Variants in DLG3 observed in about 807,000 individuals in gnomAD.
DLG3 encodes the protein discs large MAGUK scaffold protein 3.
DLG3 carries 1 observed loss-of-function variant against 64.1 expected under a neutral mutation model. The observed-to-expected ratio is 0.02, with a 90% CI of 0.01 to 0.07. The LOEUF is 0.07. DLG3 is among the 10% of genes least tolerant of loss of function. The pLI is 1.00. For synonymous variants in DLG3, 245 were observed against 259.8 expected (o/e 0.94, Z 0.55); for missense variants, 429 against 669.5 (o/e 0.64, Z 3.96).
intron 12 of DLG3, chrX:70,493,282 T>C (rs1403467352): frequency 2.8e-6 from 2 of 713,598 alleles, no homozygotes; most frequent in Middle Eastern, 2.9e-4. Context: ...CTCACCGTTG[T>C]CTCCATTTTA....
At chrX:70,462,318 C>T (rs761555776) in intron 9 of DLG3, among the ~76,000 whole-genome samples, 1 of 92,993 alleles carries the variant, frequency 1.1e-5, no homozygotes, top group African/African-American at 4.1e-5. Context: ...GGCATGATCT[C>T]GGCTCACTGC....
intron 9 of DLG3, among the ~76,000 whole-genome samples, chrX:70,471,995 C>T (rs1236059065): frequency 1.8e-5 from 2 of 111,708 alleles, no homozygotes; most frequent in East Asian, 2.8e-4. Context: ...AACACTTAAA[C>T]GCAGTTCCCA....
chrX:70,445,075 C>A lies in DLG3; in HGVS notation c.-127C>A, dbSNP rs1421933490. 6.0e-6 allele frequency: 3 copies of A among 500,135 alleles called. No individual in the cohort carries two copies. The highest frequency in any genetic ancestry group is 9.4e-5 in the East Asian group (2 of 21,354). 41.2% of individuals were successfully genotyped at this position (500,135 alleles called of 1,213,427 possible). On this transcript the variant is annotated 5_prime_UTR_variant, in exon 1 of 19. Transcript: ENST00000374360. ...CCCGGGCGCCCCCACGGGTGCCCCC[C>A]CCTTCTTGGTCCGAGCAGTGTGAGT...
intron 5 of DLG3, 68 bp downstream of exon 5, chrX:70,450,373 C>T (rs1471746847): frequency 2.1e-5 from 23 of 1,106,019 alleles, no homozygotes; most frequent in Non-Finnish European, 2.8e-5. Flanking sequence ...ACCCCTTACT[C>T]CGCCTAAACC....
At chrX:70,495,883 A>AG (rs1323929321) in intron 13 of DLG3, among the ~76,000 whole-genome samples, 3 of 111,236 alleles carry the variant, frequency 2.7e-5, no homozygotes, top group Non-Finnish European at 5.7e-5. Context: ...TCCTCTAACT[A>AG]GGGGCAAGGG....
At position 70,482,662 on chromosome X, in the gene DLG3, G is replaced by GTTTTTTTTTTTTTTTT. The variant is rs774419870; in HGVS notation, c.1520+3406_1520+3421dup. Reference sequence around the variant, plus strand: ...AGGTTTGGGAAAATACATGTGTGGTGTTTTTTTTTTTTTTTTTTTTTTTGA... The same window carrying GTTTTTTTTTTTTTTTT: ...AGGTTTGGGAAAATACATGTGTGGTGTTTTTTTTTTTTTTTTTTTTTTTTTTTTTTTTTTTTTTTGA... On this transcript the variant is annotated intron_variant, in intron 10 of 18. Transcript: ENST00000374360. Among the ~76,000 whole-genome samples the GTTTTTTTTTTTTTTTT allele has an allele frequency of 6.5e-4, 43 of 66,073 alleles. 5 individuals are homozygous for GTTTTTTTTTTTTTTTT. Among genetic ancestry groups the GTTTTTTTTTTTTTTTT allele is most frequent in the Non-Finnish European group, 8.8e-4 (32 of 36,550 alleles). The allele number at this position is 66,073 out of a possible 115,157, so 57.4% of individuals were successfully genotyped here.
intron 16 of DLG3, 133 bp from the exon 17 acceptor site, chrX:70,500,338 C>T: frequency 1.7e-6 from 1 of 584,523 alleles, no homozygotes; most frequent in Non-Finnish European, 2.9e-6. Flanking sequence ...TCTTAGGCCA[C>T]TTTGGGTGGC....
chrX:70,496,943 G>C (rs1602984590), intron 13 of DLG3, among the ~76,000 whole-genome samples: 2 of 112,507 alleles, frequency 1.8e-5, no homozygotes, highest in African/African-American at 6.5e-5. Context: ...AGTATGGCTT[G>C]TAGTACATAG....
intron 9 of DLG3, among the ~76,000 whole-genome samples, chrX:70,468,376 A>G (rs1052632177): frequency 9.8e-5 from 11 of 111,898 alleles, no homozygotes; most frequent in African/African-American, 3.6e-4. Flanking sequence ...CTGGCCTAGT[A>G]TAGCATTTTC....
At chrX:70,470,864 C>T (rs73216724) in intron 9 of DLG3, among the ~76,000 whole-genome samples, 1 of 111,523 alleles carries the variant, frequency 9.0e-6, no homozygotes. Flanking sequence ...GTCCAGTTCG[C>T]AATAGGGAAC....
chrX:70,474,135 C>T (rs1464815015), intron 9 of DLG3, among the ~76,000 whole-genome samples: 3 of 111,935 alleles, frequency 2.7e-5, no homozygotes, highest in Non-Finnish European at 1.9e-5. Flanking sequence ...ATGGTTGTAG[C>T]AGTCCTTGAA....
Position 70,473,443 on chromosome X carries a change from C to T in DLG3, c.1406-5707C>T, listed in dbSNP as rs755605347. ...GTTAAGTCACCCTATTAGTCTCTCT[C>T]TTAGCATTTTCTTCATCACAGTTAT... On this transcript the variant is annotated intron_variant, in intron 9 of 18. Transcript: ENST00000374360. 1.6e-4 allele frequency among the ~76,000 whole-genome samples: 18 copies of T among 111,560 alleles called. No homozygotes were observed. In the South Asian group the frequency reaches 6.1e-3, roughly 38 times the overall value.
rs1390878490 is a variant in DLG3, at chrX:70,504,923, A to G, written c.*2654A>G. ...GGTGCCATTGCAACTTGTGCGGAGG[A>G]GTCTTAGGAAGTGCTGTCATAATTC... On this transcript the variant is annotated 3_prime_UTR_variant, in exon 19 of 19. Coordinates refer to ENST00000374360, the MANE Select transcript of DLG3 (RefSeq NM_021120.4). The G allele has an allele frequency of 8.9e-6, 1 of 112,077 alleles. No individual in the cohort carries two copies. Among genetic ancestry groups the G allele is most frequent in the Non-Finnish European group, 1.9e-5 (1 of 53,117 alleles). 9.2% of individuals were successfully genotyped at this position (112,077 alleles called of 1,213,427 possible).
intron 13 of DLG3, among the ~76,000 whole-genome samples, chrX:70,498,001 G>A (rs1191082321): frequency 9.0e-6 from 1 of 111,573 alleles, no homozygotes; most frequent in Non-Finnish European, 1.9e-5. Flanking sequence ...AGGGCACTGG[G>A]GACCTTAGCA....
chrX:70,456,688 C>G (rs2086713536), intron 9 of DLG3, among the ~76,000 whole-genome samples: 2 of 111,643 alleles, frequency 1.8e-5, no homozygotes, highest in African/African-American at 6.5e-5. Context: ...GGCTCTGCCA[C>G]CCCAATCAAT....
rs1160822166 is a variant in DLG3 at position 70,503,582 on chromosome X, C to A, written c.*1313C>A. On this transcript the variant is annotated 3_prime_UTR_variant, in exon 19 of 19. Coordinates refer to ENST00000374360, the MANE Select transcript of DLG3 (RefSeq NM_021120.4). ...ACTTGGCTTGCTTGGCCAGCTGCGT[C>A]ATGAGTTTGATTTGGTTTTTTTTTT... 9.0e-6 allele frequency: 1 copy of A among 110,768 alleles called. No individual in the cohort carries two copies. 9.1% of individuals were successfully genotyped at this position (110,768 alleles called of 1,213,427 possible).
At chrX:70,471,120 A>G (rs1186516845) in intron 9 of DLG3, among the ~76,000 whole-genome samples, 2 of 110,539 alleles carry the variant, frequency 1.8e-5, no homozygotes, top group African/African-American at 6.6e-5. Context: ...GGCACATTCA[A>G]TAAATGTTGA....
rs753641537 is a variant in DLG3, at chrX:70,452,036, C to T, written c.1145+10C>T. On this transcript the variant is annotated intron_variant, in intron 7 of 18. Coordinates refer to ENST00000374360, the MANE Select transcript of DLG3 (RefSeq NM_021120.4). ...AGGAGGACTTCACCAGGTAAGACCC[C>T]GCCCCCAACATCCCATTCAATCTAC... 20 of 1,207,304 alleles carry T rather than the reference C, an allele frequency of 1.7e-5. No individual in the cohort carries two copies. The highest frequency in any genetic ancestry group is 3.5e-5 in the African/African-American group (2 of 56,816).
chrX:70,462,752 G>A (rs1228004841), intron 9 of DLG3, among the ~76,000 whole-genome samples: 1 of 112,036 alleles, frequency 8.9e-6, no homozygotes, highest in East Asian at 2.8e-4. Context: ...ATGCTTAGGA[G>A]TAGAATTGCT....
Sources: allele counts gnomAD v4.1 joint callset (sites outside exome capture counted in the v4.1 genomes callset), GRCh38; gene constraint gnomAD v4.1.1; transcripts MANE v1.5; gene names NCBI Gene and HGNC (gene_info 2026-07-23, HGNC 2026-07-21).